IFT140: variants seen among roughly 807,000 people sequenced by gnomAD.
IFT140 encodes intraflagellar transport 140.
In IFT140, 133 loss-of-function variants were observed where a neutral mutation model predicts 164.6. The observed-to-expected ratio is 0.81, with a 90% CI of 0.70 to 0.93. IFT140 has a LOEUF of 0.93. Among genes scored for constraint, IFT140 ranks in the 40% least tolerant of loss-of-function variants. The probability of loss-of-function intolerance (pLI) is 0.00; values close to 1 mark genes in which losing one functional copy is unlikely to be tolerated. For missense variants in IFT140, 2,045 were observed against 1,972.3 expected (o/e 1.04, Z -0.70); for synonymous variants, 860 against 817.3 (o/e 1.05, Z -0.89).
chr16:1,607,008 A>G lies in IFT140; in HGVS notation c.147+112T>C, dbSNP rs1007651756. On this transcript the variant is annotated intron_variant, in intron 3 of 30. Coordinates refer to ENST00000426508, the MANE Select transcript of IFT140 (RefSeq NM_014714.4). Reference sequence around the variant, plus strand: ...CGCACACACAGATGCATGTATACACACACACACCCATAGGCACACACACAC... The same window carrying G: ...CGCACACACAGATGCATGTATACACGCACACACCCATAGGCACACACACAC... 12 of 1,044,182 alleles carry G rather than the reference A, an allele frequency of 1.1e-5. No individual in the cohort carries two copies. In the African/African-American group the frequency reaches 1.9e-4, roughly 17 times the overall value. 64.7% of individuals were successfully genotyped at this position (1,044,182 alleles called of 1,614,324 possible). A position where few individuals can be genotyped will look rare whatever the true frequency, so the allele number is the denominator to read the frequency against.
intron 13 of IFT140, chr16:1,579,653 G>C (rs1175787962): frequency 2.0e-5 from 3 of 152,226 alleles, no homozygotes; most frequent in Admixed American, 2.0e-4. Flanking sequence ...CGGGGCAGTG[G>C]ATGCCTGACT....
chr16:1,583,282 G>T, intron 12 of IFT140, 32 bp downstream of exon 12: 2 of 1,593,936 alleles, frequency 1.3e-6, no homozygotes, highest in Non-Finnish European at 1.7e-6. Context: ...CCAGGTAGTG[G>T]GAGTGCCTCT....
chr16:1,511,539 C>T (rs1396357464), intron 30 of IFT140, among the ~76,000 whole-genome samples: 1 of 151,860 alleles, frequency 6.6e-6, no homozygotes, highest in Admixed American at 6.6e-5. Flanking sequence ...ATGCATATGT[C>T]AGAGTGGAGG....
intron 2 of IFT140, among the ~76,000 whole-genome samples, chr16:1,608,809 G>A (rs1412803056): frequency 6.6e-6 from 1 of 152,032 alleles, no homozygotes; most frequent in African/African-American, 2.4e-5. Flanking sequence ...TTGAACTCCT[G>A]GGCTCAAGTG....
rs542612158 is a variant in IFT140, at chr16:1,553,670, G to A, written c.2399+4265C>T. ...GGAGGGGTGCTGGGTGGGCAGAAGC[G>A]GGGCTGGGGCTGAAGGCTGGCTGGA... On this transcript the variant is annotated intron_variant, in intron 19 of 30. Coordinates refer to ENST00000426508, the MANE Select transcript of IFT140 (RefSeq NM_014714.4). The surrounding 1 kb of genome is among the most constrained non-coding windows in gnomAD (Gnocchi z 4.4). 5.5e-5 allele frequency: 59 copies of A among 1,064,888 alleles called. No individual in the cohort carries two copies. The African/African-American group carries it at 7.3e-4, about 13-fold the overall frequency. The allele number at this position is 1,064,888 out of a possible 1,614,324, so 66.0% of individuals were successfully genotyped here. A position where few individuals can be genotyped will look rare whatever the true frequency, so the allele number is the denominator to read the frequency against.
intron 26 of IFT140, among the ~76,000 whole-genome samples, chr16:1,521,631 A>T (rs2040529606): frequency 6.6e-6 from 1 of 151,356 alleles, no homozygotes; most frequent in Non-Finnish European, 1.5e-5. Context: ...ACCTCAGGTG[A>T]TCCACCCACC....
intron 30 of IFT140, among the ~76,000 whole-genome samples, chr16:1,512,440 A>C (rs944006790): frequency 6.6e-6 from 1 of 152,124 alleles, no homozygotes; most frequent in Non-Finnish European, 1.5e-5. Flanking sequence ...GTGCCTGGGC[A>C]TTCTCAGTTT....
intron 19 of IFT140, among the ~76,000 whole-genome samples, chr16:1,542,298 G>T (rs1034275316): frequency 6.6e-6 from 1 of 152,258 alleles, no homozygotes; most frequent in African/African-American, 2.4e-5. Context: ...GGAGCAGGGA[G>T]GCTGCGACCA....
intron 18 of IFT140, among the ~76,000 whole-genome samples, chr16:1,559,605 T>G (rs921129082): frequency 6.6e-6 from 1 of 152,314 alleles, no homozygotes; most frequent in South Asian, 2.1e-4. Flanking sequence ...GTAAACTAAG[T>G]ACTTCCTGTG....
Position 1,564,217 on chromosome 16 carries a change from G to A in IFT140, c.1902-55C>T, listed in dbSNP as rs1251941447. ...CCCAGGGCGGGCACTCCTGCTACCA[G>A]TCTCCCTCCCACACACATTCCCGAA... On this transcript the variant is annotated intron_variant, in intron 16 of 30. Transcript: ENST00000426508. The surrounding 1 kb of genome is among the most constrained non-coding windows in gnomAD (Gnocchi z 5.5). The A allele has an allele frequency of 4.1e-6, 6 of 1,460,060 alleles. No individual in the cohort carries two copies. Among genetic ancestry groups the A allele is most frequent in the Middle Eastern group, 1.8e-4 (1 of 5,512 alleles). The allele number at this position is 1,460,060 out of a possible 1,614,324, so 90.4% of individuals were successfully genotyped here.
intron 14 of IFT140, among the ~76,000 whole-genome samples, 154 bp downstream of exon 14, chr16:1,571,253 C>T (rs1158361087): frequency 3.3e-5 from 5 of 152,230 alleles, no homozygotes; most frequent in Non-Finnish European, 5.9e-5. Flanking sequence ...AGGAACTGAG[C>T]CCCAACATGA....
rs1027891022 is a variant in IFT140 at position 1,607,356 on chromosome 16, C to T, written c.-31-59G>A. 34 of 1,383,592 alleles carry T rather than the reference C, an allele frequency of 2.5e-5. 1 individual carries two copies. In the South Asian group the frequency reaches 3.0e-4, roughly 12 times the overall value. 85.7% of individuals were successfully genotyped at this position (1,383,592 alleles called of 1,614,324 possible). A position where few individuals can be genotyped will look rare whatever the true frequency, so the allele number is the denominator to read the frequency against. On this transcript the variant is annotated intron_variant, in intron 2 of 30. Transcript: ENST00000426508. ...GTTTTAAATAAAACAAACAATATGA[C>T]TGTACATGGAATGACGAAAAGGAAG... is the stretch of plus-strand genomic sequence containing the variant.
chr16:1,545,134 G>C (rs2032058248), intron 19 of IFT140, among the ~76,000 whole-genome samples: 1 of 152,210 alleles, frequency 6.6e-6, no homozygotes. Context: ...GGACTAAACC[G>C]AGCTGTCTTA....
Position 1,571,569 on chromosome 16 carries a change from TGTTA to T in IFT140, c.1525-39_1525-36del, listed in dbSNP as rs780655334. 3.1e-4 allele frequency: 493 copies of T among 1,593,208 alleles called. 2 individuals are homozygous for T. Among genetic ancestry groups the T allele is most frequent in the Non-Finnish European group, 4.0e-4 (468 of 1,168,264 alleles). ...AGGAACAAGAAATGGATATATTTCA[TGTTA>T]GTTACTGAACATTGTTCACAGATAA... On this transcript the variant is annotated intron_variant, in intron 13 of 30. Coordinates refer to ENST00000426508, the MANE Select transcript of IFT140 (RefSeq NM_014714.4).
At chr16:1,590,173 C>A (rs1443773955) in intron 6 of IFT140, among the ~76,000 whole-genome samples, 2 of 147,114 alleles carry the variant, frequency 1.4e-5, no homozygotes, top group Non-Finnish European at 3.0e-5. Flanking sequence ...TGCACTCCAG[C>A]CTAGGCGACA....
rs1210709556 is a variant in IFT140 at position 1,573,909 on chromosome 16, A to G, written c.1525-2375T>C. Among the ~76,000 whole-genome samples, 11 of 152,322 alleles carry G rather than the reference A, an allele frequency of 7.2e-5. No individual in the cohort carries two copies. In the South Asian group the frequency reaches 2.1e-3, roughly 29 times the overall value. ...GAAAGGAAAGAACTGTTATCAGAGG[A>G]AGGTAAGTCCTTTTCAGGGATCAGG... On this transcript the variant is annotated intron_variant, in intron 13 of 30. Coordinates refer to ENST00000426508, the MANE Select transcript of IFT140 (RefSeq NM_014714.4).
At chr16:1,601,195 T>C (rs1304312243) in intron 4 of IFT140, among the ~76,000 whole-genome samples, 1 of 149,430 alleles carries the variant, frequency 6.7e-6, no homozygotes, top group Admixed American at 6.8e-5. Flanking sequence ...ACTCAGGATG[T>C]AGAGGTTGCA....
chr16:1,583,308 A>C lies in IFT140; in HGVS notation c.1432+6T>G. The C allele has an allele frequency of 6.2e-7, 1 of 1,613,612 alleles. No individual in the cohort carries two copies. Among genetic ancestry groups the C allele is most frequent in the South Asian group, 1.1e-5 (1 of 91,064 alleles). ...GAGTGCCTCTGTCCGGGTGAAAAGA[A>C]CCCACCTGCACTCCGTATCGCGGCT... On this transcript the variant is annotated splice_donor_region_variant and intron_variant, in intron 12 of 30. Coordinates refer to ENST00000426508, the MANE Select transcript of IFT140 (RefSeq NM_014714.4).
Position 1,541,835 on chromosome 16 carries a change from CA to C in IFT140, c.2400-15040del, listed in dbSNP as rs901507449. 6.5e-5 allele frequency: 94 copies of C among 1,454,844 alleles called. No individual in the cohort carries two copies. The African/African-American group carries it at 1.3e-3, about 20-fold the overall frequency. The allele number at this position is 1,454,844 out of a possible 1,614,324, so 90.1% of individuals were successfully genotyped here. A position where few individuals can be genotyped will look rare whatever the true frequency, so the allele number is the denominator to read the frequency against. On this transcript the variant is annotated intron_variant, in intron 19 of 30. Coordinates refer to ENST00000426508, the MANE Select transcript of IFT140 (RefSeq NM_014714.4). ...TGCCGACCGCCCTTTCCGAGGCAAA[CA>C]GAGACCACGAAAGTGGCGTGACGGC...
Sources: allele counts gnomAD v4.1 joint callset (sites outside exome capture counted in the v4.1 genomes callset), GRCh38; gene constraint gnomAD v4.1.1; non-coding constraint Gnocchi (gnomAD v3.1); transcripts MANE v1.5; gene names NCBI Gene and HGNC (gene_info 2026-07-23, HGNC 2026-07-21).